PXDN: variants seen among roughly 807,000 people sequenced by gnomAD.
The protein encoded by PXDN is peroxidasin, also known as peroxidasin homolog.
A neutral mutation model predicts 140.3 loss-of-function variants in PXDN; 77 were observed. The observed-to-expected ratio is 0.55, with a 90% CI of 0.46 to 0.66. The LOEUF is 0.66. PXDN is among the 30% of genes least tolerant of loss of function. PXDN has a pLI of 0.00. For synonymous variants in PXDN, 911 were observed against 857.4 expected, an observed-to-expected ratio of 1.06 and a Z score of -1.09; for missense variants, 1,838 against 2,039.5, an observed-to-expected ratio of 0.90 and a Z score of 1.90.
At position 1,643,391 on chromosome 2, in the gene PXDN, C is replaced by T. The variant is rs745601352; in HGVS notation, c.3929G>A (p.Arg1310Gln). The stretch of plus-strand genomic sequence containing the variant: ...ACCTTCACAGCAGTCCTGCCACACC[C>T]GGAGGTCTACCCTGGGGATCTCGTC... ...SCDEIPRVDL[R>Q]VWQDCCEDCR... The change falls in exon 19 of 23, where the codon CGG becomes CAG. Residue 1310 changes from arginine (R) to glutamine (Q), a missense_variant. Arg to Gln is a conservative substitution (Grantham distance 43). This residue lies in a region of PXDN where 850 missense variants were observed against 894.1 expected (regional missense o/e 0.95). Transcript: ENST00000252804. The T allele has an allele frequency of 1.1e-5, 18 of 1,613,758 alleles. No homozygotes were observed. Among genetic ancestry groups the T allele is most frequent in the Admixed American group, 6.7e-5 (4 of 60,008 alleles).
At chr2:1,732,148 A>G (rs1407562404) in intron 1 of PXDN, among the ~76,000 whole-genome samples, 1 of 152,212 alleles carries the variant, frequency 6.6e-6, no homozygotes, top group Non-Finnish European at 1.5e-5. Flanking sequence ...CAGCCAACAA[A>G]GCACTGATCC....
chr2:1,729,565 G>C (rs1485120684), intron 1 of PXDN, among the ~76,000 whole-genome samples: 1 of 148,724 alleles, frequency 6.7e-6, no homozygotes, highest in South Asian at 2.1e-4. Context: ...ACAGCAGGGT[G>C]GGGGAGGGGG....
intron 1 of PXDN, among the ~76,000 whole-genome samples, chr2:1,719,238 C>T (rs1684963099): frequency 6.6e-6 from 1 of 152,184 alleles, no homozygotes; most frequent in African/African-American, 2.4e-5. Flanking sequence ...AGCCACCCAC[C>T]TTCACCCCTC....
Position 1,648,341 on chromosome 2 carries a change from C to T in PXDN, c.3439G>A (p.Ala1147Thr), listed in dbSNP as rs1231013061. The T allele has an allele frequency of 3.7e-6, 6 of 1,613,626 alleles. No individual in the cohort carries two copies. The highest frequency in any genetic ancestry group is 5.1e-6 in the Non-Finnish European group (6 of 1,179,900). The change falls in exon 17 of 23, where the codon GCA becomes ACA. Residue 1147 changes from alanine to threonine, a missense_variant. Physicochemically the swap from Ala to Thr is moderately conservative, Grantham distance 58. This residue lies in a region of PXDN where 850 missense variants were observed against 894.1 expected (regional missense o/e 0.95). Coordinates refer to ENST00000252804, the MANE Select transcript of PXDN (RefSeq NM_012293.3). The surrounding 1 kb of genome is among the most constrained non-coding windows in gnomAD (Gnocchi z 8.9). ...GCCAGGTCCAGAGCCACCGTGTGTG[C>T]CATGGAGAACAGCCGCTCCGTGAGC... ...TELTERLFSM[A>T]HTVALDLAAI...
At chr2:1,708,592 G>A (rs1684676771) in intron 1 of PXDN, among the ~76,000 whole-genome samples, 1 of 152,138 alleles carries the variant, frequency 6.6e-6, no homozygotes, top group Non-Finnish European at 1.5e-5. Flanking sequence ...AGGGGAGAGG[G>A]GTCCCTGATG....
chr2:1,664,935 CA>C, intron 11 of PXDN, 22 bp downstream of exon 11: 1 of 1,550,244 alleles, frequency 6.5e-7, no homozygotes, highest in South Asian at 1.1e-5. Context: ...AGGGAGCAGG[CA>C]AAGGGCCGGC....
At position 1,649,122 on chromosome 2, in the gene PXDN, G is replaced by C. The variant is rs1197635078; in HGVS notation, c.2658C>G (p.Gly886=). ...MFFVRSSPVC[G]SGMTSLLMNS... ...TCATGAGCAGCGAAGTCATGCCGCT[G>C]CCGCACACAGGGCTGGAGCGCACGA... The change falls in exon 17 of 23, where the codon GGC becomes GGG. Residue 886 remains glycine, a synonymous_variant. Transcript: ENST00000252804. This position sits in a 1 kb window ranked among gnomAD's most constrained non-coding sequence, Gnocchi z 7.1. 6.2e-7 allele frequency: 1 copy of C among 1,612,640 alleles called. No homozygotes were observed. Among genetic ancestry groups the C allele is most frequent in the African/African-American group, 1.3e-5 (1 of 74,888 alleles).
Position 1,639,240 on chromosome 2 carries a change from T to C in PXDN, c.4073+62A>G. The C allele has an allele frequency of 6.4e-7, 1 of 1,562,872 alleles. No individual in the cohort carries two copies. Reference sequence around the variant, plus strand: ...GCCCACAGCAGGATGCCGGTCCTACTGCCCGACGCCCGCGGTGCGAGGGCC... The same window carrying C: ...GCCCACAGCAGGATGCCGGTCCTACCGCCCGACGCCCGCGGTGCGAGGGCC... On this transcript the variant is annotated intron_variant, in intron 20 of 22. Coordinates refer to ENST00000252804, the MANE Select transcript of PXDN (RefSeq NM_012293.3). This position sits in a 1 kb window ranked among gnomAD's most constrained non-coding sequence, Gnocchi z 5.0.
At chr2:1,682,721 C>T (rs1186009920) in intron 6 of PXDN, among the ~76,000 whole-genome samples, 2 of 152,216 alleles carry the variant, frequency 1.3e-5, no homozygotes, top group East Asian at 3.9e-4. Context: ...GGGCGGATCA[C>T]CTGAGGTCAG....
intron 1 of PXDN, among the ~76,000 whole-genome samples, chr2:1,734,607 ACCT>A (rs763000284): frequency 6.4e-4 from 97 of 152,244 alleles, no homozygotes; most frequent in Non-Finnish European, 1.2e-3. Context: ...GGTGGCTCAC[ACCT>A]CTAATCCCAG....
intron 1 of PXDN, among the ~76,000 whole-genome samples, chr2:1,735,027 A>G (rs976121416): frequency 6.6e-6 from 1 of 152,208 alleles, no homozygotes; most frequent in African/African-American, 2.4e-5. Flanking sequence ...AGTAGAATTC[A>G]TCTCAAGAAG....
chr2:1,642,317 T>C (rs1280083991), intron 19 of PXDN, among the ~76,000 whole-genome samples: 1 of 152,204 alleles, frequency 6.6e-6, no homozygotes, highest in Non-Finnish European at 1.5e-5. Context: ...ACAGCTCTAT[T>C]ATCAGTGCAG....
intron 19 of PXDN, 65 bp downstream of exon 19, chr2:1,643,303 A>G: frequency 6.7e-7 from 1 of 1,495,602 alleles, no homozygotes; most frequent in Non-Finnish European, 9.2e-7. Context: ...GTCATTAAGC[A>G]CCCGCCAAGC....
At position 1,658,057 on chromosome 2, in the gene PXDN, TC is replaced by T. The variant is rs762910872; in HGVS notation, c.1837+2823del. On this transcript the variant is annotated intron_variant, in intron 14 of 22. Coordinates refer to ENST00000252804, the MANE Select transcript of PXDN (RefSeq NM_012293.3). ...CTCTCTCTCTCTCTCTCTCTCTCTC[TC>T]TCTCTCTCTCTCTCTCTCTCTCTCT... 5.0e-3 allele frequency among the ~76,000 whole-genome samples: 642 copies of T among 128,730 alleles called. 60 individuals are homozygous for T. The highest frequency in any genetic ancestry group is 0.035 in the Middle Eastern group (9 of 254). The allele number at this position is 128,730 out of a possible 152,430, so 84.5% of individuals were successfully genotyped here.
At chr2:1,716,865 C>G (rs1684908457) in intron 1 of PXDN, among the ~76,000 whole-genome samples, 1 of 152,160 alleles carries the variant, frequency 6.6e-6, no homozygotes, top group African/African-American at 2.4e-5. Context: ...TCATTTCACA[C>G]CACATGGACA....
chr2:1,742,051 C>T (rs902341722), intron 1 of PXDN, among the ~76,000 whole-genome samples: 4 of 152,152 alleles, frequency 2.6e-5, no homozygotes, highest in African/African-American at 9.6e-5. Context: ...ACAGCTACAC[C>T]CTCACGTTCT....
At chr2:1,641,309 G>A (rs1251865076) in intron 19 of PXDN, among the ~76,000 whole-genome samples, 2 of 151,954 alleles carry the variant, frequency 1.3e-5, no homozygotes, top group African/African-American at 2.4e-5. Flanking sequence ...CCGCCACCAC[G>A]CCCGGCTAAT....
chr2:1,701,409 A>G (rs1453150698), intron 1 of PXDN, among the ~76,000 whole-genome samples: 1 of 152,224 alleles, frequency 6.6e-6, no homozygotes, highest in Non-Finnish European at 1.5e-5. Flanking sequence ...AGGCGGCCAC[A>G]GTGACATGAA....
At chr2:1,731,143 A>AGC (rs771785733) in intron 1 of PXDN, among the ~76,000 whole-genome samples, 29,012 of 114,190 alleles carry the variant, frequency 0.25, 3,114 homozygotes, top group East Asian at 0.56. Flanking sequence ...CACTGTTGAG[A>AGC]GCGCGCGCGC....
Sources: allele counts gnomAD v4.1 joint callset (sites outside exome capture counted in the v4.1 genomes callset), GRCh38; gene constraint gnomAD v4.1.1; regional missense constraint gnomAD v4.1.1; non-coding constraint Gnocchi (gnomAD v3.1); transcripts MANE v1.5; gene names NCBI Gene and HGNC (gene_info 2026-07-23, HGNC 2026-07-21).